The following LHX3 variants were observed in gnomAD, a reference collection of about 807,000 sequenced individuals.
LHX3 encodes the protein LIM homeobox 3.
A neutral mutation model predicts 32.4 loss-of-function variants in LHX3; 21 were observed. The observed-to-expected ratio is 0.65, with a 90% CI of 0.46 to 0.93. LHX3 has a LOEUF of 0.93. Ranked by LOEUF, LHX3 falls within the 40% of genes least tolerant of loss-of-function variation. The pLI is 0.00. For synonymous variants in LHX3, 258 were observed against 246.8 expected (o/e 1.05, Z -0.43); for missense variants, 626 against 560.0 (o/e 1.12, Z -1.19).
chr9:136,202,894 G>T lies in LHX3; in HGVS notation c.79+2040C>A, dbSNP rs11103376. 10,608 of 1,519,518 alleles carry T rather than the reference G, an allele frequency of 7.0e-3. 513 individuals carry two copies. The East Asian group carries it at 0.14, about 20-fold the overall frequency. The allele number at this position is 1,519,518 out of a possible 1,614,324, so 94.1% of individuals were successfully genotyped here. The stretch of plus-strand genomic sequence containing the variant: ...AGCCTCCGCGGCCAGGCCCGGAAAG[G>T]CCTGAGGATCTCCTGGTCTCCCCGG... On this transcript the variant is annotated intron_variant, in intron 1 of 5. Transcript: ENST00000371748.
Position 136,199,678 on chromosome 9 carries a change from C to T in LHX3, c.454G>A (p.Glu152Lys), listed in dbSNP as rs759511954. 1 of 1,612,812 alleles carries T rather than the reference C, an allele frequency of 6.2e-7. No individual in the cohort carries two copies. The highest frequency in any genetic ancestry group is 1.1e-5 in the South Asian group (1 of 91,070). ...KADYETAKQR[E>K]AEATAKRPRT... Reference sequence around the variant, plus strand: ...TGGGAGCGTCGTCCCCTCGGCTGACCTCGCTGCTTGGCGGTTTCGTAGTCC... The same window carrying T: ...TGGGAGCGTCGTCCCCTCGGCTGACTTCGCTGCTTGGCGGTTTCGTAGTCC... The change falls in exon 3 of 6, where the codon GAG becomes AAG. Residue 152 changes from glutamate (E) to lysine (K), a missense_variant and splice_region_variant. Coordinates refer to ENST00000371748, the MANE Select transcript of LHX3 (RefSeq NM_178138.6).
In LHX3 at chr9:136,199,061, T is replaced by TGCGCGGCGGGCGAGCGGTGAG; in HGVS notation, c.455-23_455-3dup. On this transcript the variant is annotated splice_region_variant and splice_polypyrimidine_tract_variant and intron_variant, in intron 3 of 5. Transcript: ENST00000371748. Reference sequence around the variant, plus strand: ...GCCGCTTGGCCGTGGCCTCGGCCTCTGCGCGGCGGGCGAGCGGTGAGGCGC... The same window carrying TGCGCGGCGGGCGAGCGGTGAG: ...GCCGCTTGGCCGTGGCCTCGGCCTCTGCGCGGCGGGCGAGCGGTGAGGCGCGGCGGGCGAGCGGTGAGGCGC... 6.5e-7 allele frequency: 1 copy of TGCGCGGCGGGCGAGCGGTGAG among 1,530,008 alleles called. No homozygotes were observed. The highest frequency in any genetic ancestry group is 8.7e-7 in the Non-Finnish European group (1 of 1,144,180). The allele number at this position is 1,530,008 out of a possible 1,614,324, so 94.8% of individuals were successfully genotyped here.
intron 1 of LHX3, chr9:136,203,136 T>G: frequency 2.9e-6 from 4 of 1,395,400 alleles, no homozygotes; most frequent in Non-Finnish European, 3.7e-6. Flanking sequence ...TCCAAGCGAC[T>G]CCGGGTGCTG....
intron 1 of LHX3, chr9:136,201,432 C>G (rs994908516): frequency 8.1e-7 from 1 of 1,227,918 alleles, no homozygotes; most frequent in Non-Finnish European, 1.0e-6. Flanking sequence ...GCTTCTGCCC[C>G]CCACACCCCA....
At chr9:136,204,596 A>T (rs1831714224) in intron 1 of LHX3, among the ~76,000 whole-genome samples, 2 of 152,022 alleles carry the variant, frequency 1.3e-5, no homozygotes, top group Admixed American at 1.3e-4. Flanking sequence ...GGGTCCAGAG[A>T]CCTGGGCCGG....
Position 136,196,251 on chromosome 9 carries a change from T to A in LHX3, c.*1074A>T, listed in dbSNP as rs1831488012. On this transcript the variant is annotated 3_prime_UTR_variant, in exon 6 of 6. Transcript: ENST00000371748. ...CCTCAAAAAAACGCGGGCCTTCCATTGACTGTAACTGACAAATTTATTGAA... is the reference window on the plus strand; with the variant it reads ...CCTCAAAAAAACGCGGGCCTTCCATAGACTGTAACTGACAAATTTATTGAA... 6.6e-6 allele frequency: 1 copy of A among 152,350 alleles called. No individual in the cohort carries two copies. Among genetic ancestry groups the A allele is most frequent in the African/African-American group, 2.4e-5 (1 of 41,454 alleles). The allele number at this position is 152,350 out of a possible 1,614,324, so 9.4% of individuals were successfully genotyped here. A position where few individuals can be genotyped will look rare whatever the true frequency, so the allele number is the denominator to read the frequency against.
Position 136,198,826 on chromosome 9 carries a change from G to T in LHX3, c.607-6C>A. 1 of 1,603,934 alleles carries T rather than the reference G, an allele frequency of 6.2e-7. No homozygotes were observed. Among genetic ancestry groups the T allele is most frequent in the South Asian group, 1.1e-5 (1 of 90,836 alleles). ...CGGCGGTTCTGGAACCAAACCTGGG[G>T]GCGGGGCGGGGTGAGCGGCCGCCCG... On this transcript the variant is annotated splice_polypyrimidine_tract_variant and splice_region_variant and intron_variant, in intron 4 of 5. Transcript: ENST00000371748.
chr9:136,202,883 G>A, intron 1 of LHX3: 1 of 1,508,184 alleles, frequency 6.6e-7, no homozygotes. Context: ...TCCGCGGCCA[G>A]GCCCGGAAAG....
chr9:136,197,028 T>C lies in LHX3; in HGVS notation c.*297A>G, dbSNP rs1831506579. On this transcript the variant is annotated 3_prime_UTR_variant, in exon 6 of 6. Coordinates refer to ENST00000371748, the MANE Select transcript of LHX3 (RefSeq NM_178138.6). ...TGGGCCTCAGCAAGGTGACATTTCATGTCTAGAAATAGCAGCAAGTGCTCA... is the reference window on the plus strand; with the variant it reads ...TGGGCCTCAGCAAGGTGACATTTCACGTCTAGAAATAGCAGCAAGTGCTCA... 3.9e-6 allele frequency: 2 copies of C among 517,350 alleles called. No homozygotes were observed. Among genetic ancestry groups the C allele is most frequent in the South Asian group, 2.3e-5 (1 of 43,340 alleles). 32.0% of individuals were successfully genotyped at this position (517,350 alleles called of 1,614,324 possible).
chr9:136,203,094 C>T, intron 1 of LHX3: 3 of 1,483,968 alleles, frequency 2.0e-6, no homozygotes, highest in East Asian at 2.8e-5. Context: ...CCGGGCCCAG[C>T]GACGCCACCC....
chr9:136,205,121 G>GA lies in LHX3; in HGVS notation c.-110dup. On this transcript the variant is annotated 5_prime_UTR_variant, in exon 1 of 6. Coordinates refer to ENST00000371748, the MANE Select transcript of LHX3 (RefSeq NM_178138.6). ...GCGTCGTGCGGGGCAGGGAGCCCGG[G>GA]AGCCACTGGGCCTGGCGCTGTCCGC... 2 of 908,146 alleles carry GA rather than the reference G, an allele frequency of 2.2e-6. No individual in the cohort carries two copies. The highest frequency in any genetic ancestry group is 1.6e-6 in the Non-Finnish European group (1 of 628,320). The allele number at this position is 908,146 out of a possible 1,614,324, so 56.3% of individuals were successfully genotyped here.
chr9:136,203,074 C>T, intron 1 of LHX3: 1 of 1,502,296 alleles, frequency 6.7e-7, no homozygotes, highest in Non-Finnish European at 8.8e-7. Flanking sequence ...CTCTCCAGTC[C>T]CGAACTTTCC....
At position 136,200,849 on chromosome 9, in the gene LHX3, C is replaced by G. The variant is rs1232694503; in HGVS notation, c.80-96G>C. On this transcript the variant is annotated intron_variant, in intron 1 of 5. Coordinates refer to ENST00000371748, the MANE Select transcript of LHX3 (RefSeq NM_178138.6). ...GCGAGCCAGTCTCCCCTCCGGCCCACAGGACTCAGGGCTGCCGAGGGGTCC... is the reference window on the plus strand; with the variant it reads ...GCGAGCCAGTCTCCCCTCCGGCCCAGAGGACTCAGGGCTGCCGAGGGGTCC... The G allele has an allele frequency of 3.5e-6, 5 of 1,417,140 alleles. No homozygotes were observed. The East Asian group carries it at 1.2e-4, about 33-fold the overall frequency. The allele number at this position is 1,417,140 out of a possible 1,614,324, so 87.8% of individuals were successfully genotyped here. A position where few individuals can be genotyped will look rare whatever the true frequency, so the allele number is the denominator to read the frequency against.
intron 1 of LHX3, chr9:136,201,378 G>C: frequency 8.1e-7 from 1 of 1,238,966 alleles, no homozygotes; most frequent in Non-Finnish European, 1.0e-6. Context: ...AGGCGTGGGT[G>C]CCCCCAACAC....
rs886063705 is a variant in LHX3, at chr9:136,203,072, T to C, written c.79+1862A>G. The C allele has an allele frequency of 6.0e-5, 90 of 1,489,526 alleles. 2 individuals are homozygous for C. The Admixed American group carries it at 1.1e-3, about 19-fold the overall frequency. The allele number at this position is 1,489,526 out of a possible 1,614,324, so 92.3% of individuals were successfully genotyped here. A position where few individuals can be genotyped will look rare whatever the true frequency, so the allele number is the denominator to read the frequency against. On this transcript the variant is annotated intron_variant, in intron 1 of 5. Coordinates refer to ENST00000371748, the MANE Select transcript of LHX3 (RefSeq NM_178138.6). Reference sequence around the variant, plus strand: ...GCCGCCCGGCGTCGCCACTCTCCAGTCCCGAACTTTCCCGGGCCCAGCGAC... The same window carrying C: ...GCCGCCCGGCGTCGCCACTCTCCAGCCCCGAACTTTCCCGGGCCCAGCGAC...
At chr9:136,203,143 G>T in intron 1 of LHX3, 1 of 1,347,074 alleles carries the variant, frequency 7.4e-7, no homozygotes, top group Non-Finnish European at 9.5e-7. Context: ...GACTCCGGGT[G>T]CTGCTGGGCG....
rs1461796152 is a variant in LHX3 at position 136,197,726 on chromosome 9, C to T, written c.793G>A (p.Glu265Lys). The change falls in exon 6 of 6, where the codon GAA becomes AAA. Residue 265 changes from glutamate to lysine, a missense_variant. Physicochemically the swap from Glu to Lys is moderately conservative, Grantham distance 56 (BLOSUM62 1). Coordinates refer to ENST00000371748, the MANE Select transcript of LHX3 (RefSeq NM_178138.6). ...VSFPDEPSLAEMGPANGLYGS... is the reference protein window; with the variant it reads ...VSFPDEPSLAKMGPANGLYGS... The stretch of plus-strand genomic sequence containing the variant: ...TAGAGGCCATTGGCCGGGCCCATTT[C>T]CGCCAAGGAAGGCTCATCTGCAACA... 6.2e-7 allele frequency: 1 copy of T among 1,603,100 alleles called. No homozygotes were observed. The highest frequency in any genetic ancestry group is 8.5e-7 in the Non-Finnish European group (1 of 1,179,790).
chr9:136,198,982 T>A lies in LHX3; in HGVS notation c.532A>T (p.Thr178Ser). 6.3e-7 allele frequency: 1 copy of A among 1,589,972 alleles called. No individual in the cohort carries two copies. The highest frequency in any genetic ancestry group is 2.3e-5 in the East Asian group (1 of 43,446). Residue 178 changes from threonine (T) to serine (S), a missense_variant, in exon 4 of 6, where the codon ACC (threonine) becomes TCC (serine). Physicochemically the swap from Thr to Ser is moderately conservative, Grantham distance 58. Transcript: ENST00000371748. ...ACGTGGCGCGCCGGCTTGGGCGAGG[T>A]GTTGTAAGCGCTCTTCAGCGTCTCC... Reference protein sequence around the residue: ...QLETLKSAYNTSPKPARHVRE... With the variant: ...QLETLKSAYNSSPKPARHVRE...
At chr9:136,204,785 G>T in intron 1 of LHX3, 149 bp downstream of exon 1, 1 of 694,118 alleles carries the variant, frequency 1.4e-6, no homozygotes, top group Non-Finnish European at 2.5e-6. Flanking sequence ...CTGGGATCTG[G>T]AAACTCACTC....
Sources: gnomAD v4.1 joint callset for allele counts (sites outside exome capture counted in the v4.1 genomes callset) on GRCh38, gnomAD v4.1.1 for gene constraint, MANE v1.5 for transcripts, NCBI Gene and HGNC (gene_info 2026-07-23, HGNC 2026-07-21) for gene names.